The following LARGE2 variants were observed in gnomAD, a reference collection of about 807,000 sequenced individuals.
LARGE2 encodes xylosyl- and glucuronyltransferase LARGE2.
In LARGE2, 63 loss-of-function variants were observed where a neutral mutation model predicts 75.3. The observed-to-expected ratio is 0.84, with a 90% CI of 0.68 to 1.03. The LOEUF (loss-of-function observed/expected upper bound fraction) is 1.03, where lower values mean the gene tolerates loss of function less well. Ranked by LOEUF, LARGE2 falls within the 50% of genes least tolerant of loss-of-function variation. The probability of loss-of-function intolerance (pLI) is 0.00; values close to 1 mark genes in which losing one functional copy is unlikely to be tolerated. For missense variants in LARGE2, 925 were observed against 980.6 expected (o/e 0.94, Z 0.76); for synonymous variants, 428 against 420.1 (o/e 1.02, Z -0.23).
At chr11:45,928,116 G>A (rs2087304577) in intron 12 of LARGE2, 47 bp downstream of exon 12, 1 of 1,612,612 alleles carries the variant, frequency 6.2e-7, no homozygotes, top group South Asian at 1.1e-5. Flanking sequence ...TGCCCACACT[G>A]GCCCCCACTA....
Position 45,924,520 on chromosome 11 carries a change from G to A in LARGE2, c.507G>A (p.Trp169Ter), listed in dbSNP as rs200282189. The A allele has an allele frequency of 4.3e-6, 7 of 1,612,766 alleles. No individual in the cohort carries two copies. The East Asian group carries it at 1.6e-4, about 36-fold the overall frequency. The change falls in exon 5 of 14, where the codon TGG becomes TGA. Residue 169 changes from tryptophan to a stop codon, truncating the protein, a stop_gained. Transcript: ENST00000401752. LOFTEE classifies it high-confidence loss of function. ...HADQLKPQVS[W>*]IPNKHYSGLY... Reference sequence around the variant, plus strand: ...CCCCCACACAGCCCCAGGTCTCCTGGATCCCCAACAAGCACTACTCCGGCC... The same window carrying A: ...CCCCCACACAGCCCCAGGTCTCCTGAATCCCCAACAAGCACTACTCCGGCC...
intron 3 of LARGE2, 39 bp downstream of exon 3, chr11:45,923,594 G>A (rs1408760707): frequency 7.0e-6 from 11 of 1,576,672 alleles, no homozygotes; most frequent in Non-Finnish European, 9.6e-6. Flanking sequence ...CAGGAGTGGG[G>A]AAGGGACAAA....
In LARGE2 at chr11:45,924,188, GC is replaced by G; in HGVS notation, c.405del (p.Val136TrpfsTer46). On this transcript the variant is annotated frameshift_variant, in exon 4 of 14. Transcript: ENST00000401752. LOFTEE classifies it high-confidence loss of function. ...NPLHLHLVTDAVARNILETLF... is the reference protein window; with the variant it reads ...NPLHLHLVTDXVARNILETLF... ...ACTGCACCTCCACTTGGTGACTGAC[GC>G]CGTGGCCAGAAACATCCTGGAGACG... 1 of 1,612,584 alleles carries G rather than the reference GC, an allele frequency of 6.2e-7. No homozygotes were observed.
Position 45,922,848 on chromosome 11 carries a change from G to A in LARGE2, c.-35G>A, listed in dbSNP as rs1167226195. 2 of 1,244,456 alleles carry A rather than the reference G, an allele frequency of 1.6e-6. No homozygotes were observed. Among genetic ancestry groups the A allele is most frequent in the Non-Finnish European group, 2.0e-6 (2 of 995,432 alleles). The allele number at this position is 1,244,456 out of a possible 1,614,324, so 77.1% of individuals were successfully genotyped here. A position where few individuals can be genotyped will look rare whatever the true frequency, so the allele number is the denominator to read the frequency against. On this transcript the variant is annotated 5_prime_UTR_variant, in exon 2 of 14. Coordinates refer to ENST00000401752, the MANE Select transcript of LARGE2 (RefSeq NM_001300721.2). The stretch of plus-strand genomic sequence containing the variant: ...CCTGCGATGGAGCCTGCAGCCCCGG[G>A]TCGCGTCCCTCCCTGAGCGCCCCCG...
In LARGE2 at chr11:45,924,313, TGTC is replaced by T. The variant is rs776723038; in HGVS notation, c.492+37_492+39del. On this transcript the variant is annotated intron_variant, in intron 4 of 13. Coordinates refer to ENST00000401752, the MANE Select transcript of LARGE2 (RefSeq NM_001300721.2). ...AGCCCTTCCCCCCTCCCCTCAGCTG[TGTC>T]CACCGCTCTCCTCTCTCCAAGACCT... 7.2e-5 allele frequency: 115 copies of T among 1,607,812 alleles called. No homozygotes were observed. The African/African-American group carries it at 1.3e-3, about 19-fold the overall frequency.
chr11:45,924,643 C>T lies in LARGE2; in HGVS notation c.630C>T (p.Ile210=). The T allele has an allele frequency of 6.2e-7, 1 of 1,613,952 alleles. No individual in the cohort carries two copies. The highest frequency in any genetic ancestry group is 8.5e-7 in the Non-Finnish European group (1 of 1,179,912). The change falls in exon 5 of 14, where the codon ATC becomes ATT. Residue 210 remains isoleucine (I), a synonymous_variant. Transcript: ENST00000401752. The stretch of plus-strand genomic sequence containing the variant: ...CGGATGTCACCTTCGCCTCTGACAT[C>T]TCGGAGCTCTGGGCCCTCTTTGCTC... ...LDTDVTFASD[I]SELWALFAHF...
intron 7 of LARGE2, 21 bp downstream of exon 7, chr11:45,926,172 G>C: frequency 6.2e-7 from 1 of 1,607,266 alleles, no homozygotes; most frequent in Non-Finnish European, 8.5e-7. Flanking sequence ...GCCTTGCCGG[G>C]TGGGGTGTGG....
chr11:45,925,002 A>AAAGAACCCT (rs1282773447), intron 6 of LARGE2, 113 bp downstream of exon 6: 31 of 606,592 alleles, frequency 5.1e-5, no homozygotes, highest in Non-Finnish European at 7.4e-5. Flanking sequence ...ATTGCTGTGA[A>AAAGAACCCT]AAGAACCCTG....
In LARGE2 at chr11:45,926,532, G is replaced by T. The variant is rs200777485; in HGVS notation, c.1099G>T (p.Asp367Tyr). ...RNFYLTFLEY[D>Y]GNLLRRELFV... ...TTTCTACCTGACCTTCCTGGAGTAC[G>T]ATGGGAACCTGCTGCGGAGAGAGCT... Residue 367 changes from aspartate to tyrosine, a missense_variant, in exon 9 of 14, where the codon GAT (aspartate) becomes TAT (tyrosine). Asp to Tyr is a radical substitution (Grantham distance 160). This residue lies in a region of LARGE2 where 469 missense variants were observed against 503.8 expected (regional missense o/e 0.93). Transcript: ENST00000401752. 1 of 1,614,140 alleles carries T rather than the reference G, an allele frequency of 6.2e-7. No individual in the cohort carries two copies. Among genetic ancestry groups the T allele is most frequent in the Non-Finnish European group, 8.5e-7 (1 of 1,180,032 alleles).
rs777757785 is a variant in LARGE2, at chr11:45,928,680, C to T, written c.2001C>T (p.His667=). The T allele has an allele frequency of 4.7e-5, 76 of 1,614,048 alleles. No individual in the cohort carries two copies. Among genetic ancestry groups the T allele is most frequent in the Middle Eastern group, 1.6e-4 (1 of 6,084 alleles). The part of the protein sequence containing the change: ...LPEAFTIHLP[H]APSLDISRFR... ...AGGCCTTCACCATCCATCTGCCCCA[C>T]GCTCCAAGCCTGGACATCTCCCGCT... Residue 667 remains histidine (H), a synonymous_variant, in exon 14 of 14, where the codon CAC becomes CAT. Transcript: ENST00000401752.
At chr11:45,922,478 T>A (rs7109981), upstream of LARGE2, among the ~76,000 whole-genome samples, 14 of 151,902 alleles carry the variant, frequency 9.2e-5, no homozygotes, top group African/African-American at 3.4e-4. Context: ...AGCCCTCCCC[T>A]CGTCCTGGTG....
chr11:45,925,925 G>A, intron 6 of LARGE2, 114 bp from the exon 7 acceptor site: 1 of 858,860 alleles, frequency 1.2e-6, no homozygotes. Context: ...CCATGATCAT[G>A]TCTGAACAGT....
intron 6 of LARGE2, among the ~76,000 whole-genome samples, chr11:45,925,400 A>G (rs2087104580): frequency 1.3e-5 from 2 of 152,184 alleles, no homozygotes; most frequent in South Asian, 2.1e-4. Context: ...TCACACCTGT[A>G]ATCCCAGCAC....
chr11:45,927,389 A>C lies in LARGE2; in HGVS notation c.1400A>C (p.Glu467Ala), dbSNP rs751632354. Residue 467 changes from glutamate to alanine, a missense_variant, in exon 11 of 14, where the codon GAA becomes GCA. Glu to Ala is a moderately radical substitution (Grantham distance 107). Transcript: ENST00000401752. ...MSLALYLTDA[E>A]AQQFLHFVEA... ...CTGGCCTTGTACCTGACAGACGCAG[A>C]AGCTCAGCAGTTCCTGCATTTCGTC... 20 of 1,614,008 alleles carry C rather than the reference A, an allele frequency of 1.2e-5. 1 individual carries two copies. The South Asian group carries it at 1.3e-4, about 11-fold the overall frequency.
intron 13 of LARGE2, 112 bp from the exon 14 acceptor site, chr11:45,928,518 G>C (rs926102305): frequency 1.0e-5 from 16 of 1,532,336 alleles, no homozygotes; most frequent in Non-Finnish European, 1.2e-5. Context: ...TCTGCCCTTT[G>C]GCCCTTGCTT....
rs1270775379 is a variant in LARGE2 at position 45,924,202 on chromosome 11, C to T, written c.417C>T (p.Asn139=). 1 of 1,613,160 alleles carries T rather than the reference C, an allele frequency of 6.2e-7. No individual in the cohort carries two copies. The highest frequency in any genetic ancestry group is 1.7e-5 in the Admixed American group (1 of 59,984). Residue 139 remains asparagine, a synonymous_variant, in exon 4 of 14, where the codon AAC becomes AAT. Transcript: ENST00000401752. ...LHLVTDAVAR[N]ILETLFHTWM... ...TGGTGACTGACGCCGTGGCCAGAAA[C>T]ATCCTGGAGACGCTCTTCCACACAT...
chr11:45,923,057 G>A lies in LARGE2; in HGVS notation c.175G>A (p.Asp59Asn). The change falls in exon 2 of 14, where the codon GAC becomes AAC. Residue 59 changes from aspartate (D) to asparagine (N), a missense_variant. Physicochemically the swap from Asp to Asn is conservative, Grantham distance 23. Around this residue, in one of 3 missense-constraint regions of LARGE2, gnomAD observed 453 missense variants for 460.2 expected, o/e 0.98. Coordinates refer to ENST00000401752, the MANE Select transcript of LARGE2 (RefSeq NM_001300721.2). ...PGPLMPRVPP[D>N]GRLRRAAALD... ...CCCGCTCATGCCACGTGTCCCCCCA[G>A]ACGGGAGGCTGCGGAGAGCCGCCGC... 1 of 1,418,290 alleles carries A rather than the reference G, an allele frequency of 7.1e-7. No homozygotes were observed. The highest frequency in any genetic ancestry group is 9.2e-7 in the Non-Finnish European group (1 of 1,088,732). The allele number at this position is 1,418,290 out of a possible 1,614,324, so 87.9% of individuals were successfully genotyped here. A position where few individuals can be genotyped will look rare whatever the true frequency, so the allele number is the denominator to read the frequency against.
chr11:45,927,324 G>T lies in LARGE2; in HGVS notation c.1335G>T (p.Met445Ile). Reference sequence around the variant, plus strand: ...CTCCCTCTCCCCATAGGCTGCAGATGTTGGAAGCCCTGTGCAGGCACTGGC... The same window carrying T: ...CTCCCTCTCCCCATAGGCTGCAGATTTTGGAAGCCCTGTGCAGGCACTGGC... ...VAQLSMDRLQMLEALCRHWPG... is the reference protein window; with the variant it reads ...VAQLSMDRLQILEALCRHWPG... Residue 445 changes from methionine (M) to isoleucine (I), a missense_variant, in exon 11 of 14, where the codon ATG (methionine) becomes ATT (isoleucine). Met to Ile is a conservative substitution (Grantham distance 10, BLOSUM62 1). Around this residue, in one of 3 missense-constraint regions of LARGE2, gnomAD observed 469 missense variants for 503.8 expected, o/e 0.93. Transcript: ENST00000401752. 1 of 1,612,980 alleles carries T rather than the reference G, an allele frequency of 6.2e-7. No homozygotes were observed. Among genetic ancestry groups the T allele is most frequent in the Non-Finnish European group, 8.5e-7 (1 of 1,179,772 alleles).
chr11:45,927,029 TG>T (rs781033199), intron 10 of LARGE2, among the ~76,000 whole-genome samples, 158 bp downstream of exon 10: 3 of 152,176 alleles, frequency 2.0e-5, no homozygotes, highest in Non-Finnish European at 2.9e-5. Flanking sequence ...GGAAAGAGCT[TG>T]GGCTCTGGAG....
Sources: gnomAD v4.1 joint callset for allele counts (sites outside exome capture counted in the v4.1 genomes callset) on GRCh38, gnomAD v4.1.1 for gene constraint, gnomAD v4.1.1 regional missense constraint, MANE v1.5 for transcripts, NCBI Gene and HGNC (gene_info 2026-07-23, HGNC 2026-07-21) for gene names.